FBXL13: variants seen among roughly 807,000 people sequenced by gnomAD.
The protein encoded by FBXL13 is F-box and leucine rich repeat protein 13.
FBXL13 carries 67 observed loss-of-function variants against 83.6 expected under a neutral mutation model. That is an observed-to-expected ratio of 0.80 (90% confidence interval 0.66 to 0.98). The LOEUF (loss-of-function observed/expected upper bound fraction) is 0.98, where lower values mean the gene tolerates loss of function less well. FBXL13 is among the 50% of genes least tolerant of loss of function. The probability of loss-of-function intolerance (pLI) is 0.00; values close to 1 mark genes in which losing one functional copy is unlikely to be tolerated. For missense variants in FBXL13, 822 were observed against 866.5 expected, an observed-to-expected ratio of 0.95 and a Z score of 0.64; for synonymous variants, 272 against 299.5, an observed-to-expected ratio of 0.91 and a Z score of 0.95.
chr7:102,940,464 C>T (rs186839692), intron 8 of FBXL13, among the ~76,000 whole-genome samples: 1 of 152,148 alleles, frequency 6.6e-6, no homozygotes, highest in Admixed American at 6.5e-5. Flanking sequence ...CCCACCTCAG[C>T]CTCCCAAAGT....
At chr7:102,911,197 T>A (rs1381716381) in intron 11 of FBXL13, among the ~76,000 whole-genome samples, 1 of 152,214 alleles carries the variant, frequency 6.6e-6, no homozygotes, top group Non-Finnish European at 1.5e-5. Context: ...TATGCATATC[T>A]GGGCAGTAGG....
At chr7:102,969,392 A>ATGT (rs964269973) in intron 6 of FBXL13, among the ~76,000 whole-genome samples, 2 of 152,132 alleles carry the variant, frequency 1.3e-5, no homozygotes, top group African/African-American at 4.8e-5. Flanking sequence ...GCACTCTATG[A>ATGT]TGTTCACACA....
intron 16 of FBXL13, among the ~76,000 whole-genome samples, chr7:102,869,049 C>A (rs955172500): frequency 2.0e-5 from 3 of 152,186 alleles, no homozygotes; most frequent in Non-Finnish European, 4.4e-5. Flanking sequence ...TTTTGAGGAA[C>A]CTCGCTAATG....
intron 8 of FBXL13, among the ~76,000 whole-genome samples, chr7:102,960,528 C>T (rs1825016160): frequency 6.6e-6 from 1 of 150,850 alleles, no homozygotes; most frequent in Admixed American, 6.6e-5. Flanking sequence ...AGAGACACAA[C>T]AAAAAAAGAG....
rs530703469 is a variant in FBXL13 at position 102,879,029 on chromosome 7, T to C, written c.1389-579A>G. Reference sequence around the variant, plus strand: ...GTGTCAGTGCCATAACCCTACCATGTTGATCTTGCTTTATAAATGGCTGGA... The same window carrying C: ...GTGTCAGTGCCATAACCCTACCATGCTGATCTTGCTTTATAAATGGCTGGA... On this transcript the variant is annotated intron_variant, in intron 14 of 19. Transcript: ENST00000313221. Among the ~76,000 whole-genome samples the C allele has an allele frequency of 1.8e-4, 27 of 152,338 alleles. No homozygotes were observed. The South Asian group carries it at 3.7e-3, about 21-fold the overall frequency.
At chr7:103,016,326 TG>T (rs2129487084) in intron 6 of FBXL13, among the ~76,000 whole-genome samples, 2 of 53,378 alleles carry the variant, frequency 3.7e-5, no homozygotes, top group South Asian at 7.4e-4. Context: ...GTGGGGGGGG[TG>T]GGGGGAGGTT....
At chr7:102,973,635 G>C (rs779157103) in intron 6 of FBXL13, 5 of 766,186 alleles carry the variant, frequency 6.5e-6, no homozygotes, top group South Asian at 5.4e-5. Context: ...CGAAACCCGG[G>C]AGGGGCTCCG....
At chr7:102,922,391 G>A (rs1411849450) in intron 10 of FBXL13, among the ~76,000 whole-genome samples, 1 of 151,864 alleles carries the variant, frequency 6.6e-6, no homozygotes, top group Non-Finnish European at 1.5e-5. Context: ...TCATGCAAAT[G>A]CAAAAATATA....
chr7:102,935,633 G>A (rs1023569283), intron 8 of FBXL13, among the ~76,000 whole-genome samples: 5 of 152,042 alleles, frequency 3.3e-5, no homozygotes, highest in African/African-American at 4.8e-5. Context: ...GAAAACAGAC[G>A]GGAGATTTTA....
At chr7:102,916,229 C>T (rs543982106) in intron 10 of FBXL13, among the ~76,000 whole-genome samples, 45 of 152,124 alleles carry the variant, frequency 3.0e-4, no homozygotes, top group African/African-American at 1.1e-3. Flanking sequence ...TCAGGTGATC[C>T]GCCCACCTCG....
intron 8 of FBXL13, among the ~76,000 whole-genome samples, chr7:102,947,402 A>C (rs1166262228): frequency 6.6e-6 from 1 of 152,216 alleles, no homozygotes; most frequent in African/African-American, 2.4e-5. Flanking sequence ...GTATTTGGAA[A>C]TAAAGCTCCT....
At chr7:103,052,446 T>C (rs1796912128) in intron 2 of FBXL13, among the ~76,000 whole-genome samples, 1 of 152,002 alleles carries the variant, frequency 6.6e-6, no homozygotes, top group East Asian at 1.9e-4. Context: ...TTTGCTTCTT[T>C]GTAAAAAAAA....
intron 6 of FBXL13, among the ~76,000 whole-genome samples, chr7:102,985,666 T>A (rs185018907): frequency 2.4e-4 from 37 of 152,300 alleles, no homozygotes; most frequent in Non-Finnish European, 4.7e-4. Context: ...TGAACAGGAA[T>A]AACAGAAACT....
At chr7:102,948,281 C>G (rs1259170888) in intron 8 of FBXL13, among the ~76,000 whole-genome samples, 1 of 151,750 alleles carries the variant, frequency 6.6e-6, no homozygotes, top group Non-Finnish European at 1.5e-5. Flanking sequence ...CCAAGCTGGT[C>G]TCAAACTCCT....
chr7:102,837,036 A>G (rs374921396), intron 17 of FBXL13, among the ~76,000 whole-genome samples: 96 of 152,252 alleles, frequency 6.3e-4, no homozygotes, highest in Non-Finnish European at 1.3e-3. Flanking sequence ...GCTGCCCCAA[A>G]GGCTAAAATG....
rs192278682 is a variant in FBXL13, at chr7:102,885,091, C to T, written c.1009-779G>A. ...ATCTTTTGGATATTGAATATCTACACGCATGTACATCTATTTGTTTGAATA... is the reference window on the plus strand; with the variant it reads ...ATCTTTTGGATATTGAATATCTACATGCATGTACATCTATTTGTTTGAATA... On this transcript the variant is annotated intron_variant, in intron 11 of 19. Transcript: ENST00000313221. 4.6e-5 allele frequency among the ~76,000 whole-genome samples: 7 copies of T among 152,284 alleles called. No homozygotes were observed. The East Asian group carries it at 7.7e-4, about 17-fold the overall frequency.
intron 11 of FBXL13, among the ~76,000 whole-genome samples, chr7:102,902,528 T>C (rs1813093025): frequency 6.6e-6 from 1 of 152,224 alleles, no homozygotes; most frequent in Admixed American, 6.5e-5. Context: ...TCCTGGAGAT[T>C]TTCTCCAATG....
At chr7:103,043,205 C>T (rs1391011421) in intron 2 of FBXL13, among the ~76,000 whole-genome samples, 7 of 152,012 alleles carry the variant, frequency 4.6e-5, no homozygotes, top group Non-Finnish European at 1.0e-4. Context: ...ATGCAGCCAA[C>T]AAACATATGA....
chr7:102,877,500 T>C (rs1253408698), exon 16 of FBXL13: 1 of 1,610,706 alleles, frequency 6.2e-7, no homozygotes, highest in Non-Finnish European at 8.5e-7. Flanking sequence ...AGAGATCTAT[T>C]GATACCAAGG....
Sources: allele counts gnomAD v4.1 joint callset (sites outside exome capture counted in the v4.1 genomes callset), GRCh38; gene constraint gnomAD v4.1.1; transcripts MANE v1.5; gene names NCBI Gene and HGNC (gene_info 2026-07-23, HGNC 2026-07-21).